The following ZFPM1 variants were observed in gnomAD, a reference collection of about 807,000 sequenced individuals.
The protein encoded by ZFPM1 is zinc finger protein, FOG family member 1, also known as zinc finger protein ZFPM1.
A neutral mutation model predicts 46.3 loss-of-function variants in ZFPM1; 28 were observed. That is an observed-to-expected ratio of 0.60 (90% CI 0.45 to 0.83). The LOEUF (loss-of-function observed/expected upper bound fraction) is 0.83, where lower values mean the gene tolerates loss of function less well. Among genes scored for constraint, ZFPM1 ranks in the 40% least tolerant of loss-of-function variants. ZFPM1 has a pLI of 0.00. For synonymous variants in ZFPM1, 957 were observed against 675.9 expected (o/e 1.42, Z -6.45); for missense variants, 1,878 against 1,432.4 (o/e 1.31, Z -5.02).
intron 4 of ZFPM1, among the ~76,000 whole-genome samples, chr16:88,524,068 G>GT (rs1390143705): frequency 2.0e-5 from 3 of 152,244 alleles, no homozygotes; most frequent in Non-Finnish European, 2.9e-5. Flanking sequence ...CCGGCAGGCT[G>GT]TCAGTCTCAG....
intron 1 of ZFPM1, among the ~76,000 whole-genome samples, chr16:88,483,263 C>T (rs563881684): frequency 6.6e-6 from 1 of 150,522 alleles, no homozygotes; most frequent in Non-Finnish European, 1.5e-5. Flanking sequence ...CATGGCTCCC[C>T]GGTGGCACCT....
intron 1 of ZFPM1, among the ~76,000 whole-genome samples, chr16:88,476,131 C>A: frequency 6.6e-6 from 1 of 152,138 alleles, no homozygotes; most frequent in Non-Finnish European, 1.5e-5. Flanking sequence ...GCCATGGGCA[C>A]CTTCGGCCAA....
intron 5 of ZFPM1, 40 bp from the exon 6 acceptor site, chr16:88,527,992 G>C: frequency 6.7e-7 from 1 of 1,493,964 alleles, no homozygotes; most frequent in Non-Finnish European, 9.0e-7. Context: ...CAGGGAAGTG[G>C]GGCACAAAGT....
chr16:88,463,245 C>T (rs1225616500), intron 1 of ZFPM1, among the ~76,000 whole-genome samples: 2 of 152,226 alleles, frequency 1.3e-5, no homozygotes, highest in East Asian at 1.9e-4. Flanking sequence ...CAGGGCCTCA[C>T]GGTTGATGGC....
chr16:88,505,812 T>C (rs1056004681), intron 3 of ZFPM1, among the ~76,000 whole-genome samples: 1 of 151,984 alleles, frequency 6.6e-6, no homozygotes, highest in Admixed American at 6.5e-5. Flanking sequence ...GATGGGCACA[T>C]AGGGCACGAG....
intron 1 of ZFPM1, among the ~76,000 whole-genome samples, chr16:88,460,833 C>T (rs953993182): frequency 3.3e-5 from 5 of 151,850 alleles, no homozygotes; most frequent in Admixed American, 1.3e-4. Context: ...GGTGCTCCTA[C>T]TCCCGTGGGC....
chr16:88,498,573 A>G (rs1340607309), intron 3 of ZFPM1, among the ~76,000 whole-genome samples: 1 of 152,204 alleles, frequency 6.6e-6, no homozygotes, highest in East Asian at 1.9e-4. Flanking sequence ...ATGACGAGGT[A>G]GGAACCCCAC....
chr16:88,467,924 G>C (rs1597231084), intron 1 of ZFPM1, among the ~76,000 whole-genome samples: 1 of 152,066 alleles, frequency 6.6e-6, no homozygotes, highest in Non-Finnish European at 1.5e-5. Flanking sequence ...GAGCTGAGCG[G>C]CCCCCCTTCC....
At chr16:88,521,504 A>C (rs1911882101) in intron 4 of ZFPM1, among the ~76,000 whole-genome samples, 3 of 143,418 alleles carry the variant, frequency 2.1e-5, no homozygotes, top group Admixed American at 6.9e-5. Context: ...CACCAACACC[A>C]TGTTCCCTCC....
At chr16:88,488,888 G>A (rs1045347626) in intron 2 of ZFPM1, 143 bp from the exon 3 acceptor site, 8 of 1,277,148 alleles carry the variant, frequency 6.3e-6, no homozygotes, top group African/African-American at 4.5e-5. Context: ...ACCCCAGTGA[G>A]AGCGCACCAG....
At chr16:88,470,936 G>A (rs1274335696) in intron 1 of ZFPM1, among the ~76,000 whole-genome samples, 2 of 152,074 alleles carry the variant, frequency 1.3e-5, no homozygotes, top group East Asian at 1.9e-4. Flanking sequence ...GGATGAGGTC[G>A]TCCAGGAAGG....
intron 2 of ZFPM1, 122 bp from the exon 3 acceptor site, chr16:88,488,909 T>C (rs1283542581): frequency 1.4e-6 from 2 of 1,432,918 alleles, no homozygotes; most frequent in Non-Finnish European, 1.9e-6. Context: ...GAGATGGGGG[T>C]GGCTCTGGGC....
upstream of ZFPM1, among the ~76,000 whole-genome samples, chr16:88,451,833 T>C (rs1189633391): frequency 5.9e-5 from 9 of 151,982 alleles, no homozygotes; most frequent in Non-Finnish European, 4.4e-5. Flanking sequence ...CCTCCTGGTC[T>C]CAGTGTTCCT....
intron 1 of ZFPM1, among the ~76,000 whole-genome samples, chr16:88,460,178 C>T (rs1907753270): frequency 6.6e-6 from 1 of 152,176 alleles, no homozygotes. Context: ...CCCCACCCGG[C>T]TCTGGGAGGG....
Position 88,534,327 on chromosome 16 carries a change from C to A in ZFPM1, c.2369C>A (p.Ala790Glu), listed in dbSNP as rs1235575607. The A allele has an allele frequency of 7.4e-7, 1 of 1,346,172 alleles. No homozygotes were observed. Among genetic ancestry groups the A allele is most frequent in the Non-Finnish European group, 9.5e-7 (1 of 1,049,376 alleles). The allele number at this position is 1,346,172 out of a possible 1,614,324, so 83.4% of individuals were successfully genotyped here. The change falls in exon 10 of 10, where the codon GCG becomes GAG. Residue 790 changes from alanine (A) to glutamate (E), a missense_variant. Transcript: ENST00000319555. ...GCCCCTGCGCGCTCGCCCGGCCCCG[C>A]GGCCGACGGCCCCATCGACCTGAGC... The part of the protein sequence containing the change: ...GLAPARSPGP[A>E]ADGPIDLSKK...
intron 5 of ZFPM1, among the ~76,000 whole-genome samples, chr16:88,527,183 C>G (rs948601995): frequency 6.6e-6 from 1 of 152,196 alleles, no homozygotes; most frequent in Non-Finnish European, 1.5e-5. Flanking sequence ...GATTCTGCCC[C>G]TCTGGGGGAC....
intron 6 of ZFPM1, among the ~76,000 whole-genome samples, chr16:88,528,645 G>A (rs1195566712): frequency 6.6e-6 from 1 of 152,210 alleles, no homozygotes; most frequent in African/African-American, 2.4e-5. Flanking sequence ...TGGACACCAC[G>A]GGGGGTGAGC....
chr16:88,501,810 T>C lies in ZFPM1; in HGVS notation c.269-12577T>C, dbSNP rs1052373145. ...GGGTGCAGGGCCCTGCCGCTGGTGC[T>C]GGTGATGGAGGTAGTGGGCGTGGGT... On this transcript the variant is annotated intron_variant, in intron 3 of 9. Coordinates refer to ENST00000319555, the MANE Select transcript of ZFPM1 (RefSeq NM_153813.3). Among the ~76,000 whole-genome samples, 20 of 152,164 alleles carry C rather than the reference T, an allele frequency of 1.3e-4. 1 individual carries two copies. Among genetic ancestry groups the C allele is most frequent in the African/African-American group, 4.6e-4 (19 of 41,498 alleles).
intron 2 of ZFPM1, among the ~76,000 whole-genome samples, chr16:88,486,654 G>A (rs1291321995): frequency 1.3e-5 from 2 of 151,010 alleles, no homozygotes; most frequent in Non-Finnish European, 3.0e-5. Flanking sequence ...CAGTGGATCG[G>A]TCCTGGGTGC....
Sources: allele counts gnomAD v4.1 joint callset (sites outside exome capture counted in the v4.1 genomes callset), GRCh38; gene constraint gnomAD v4.1.1; transcripts MANE v1.5; gene names NCBI Gene and HGNC (gene_info 2026-07-23, HGNC 2026-07-21).